SNRK: variants seen among roughly 807,000 people sequenced by gnomAD.
SNRK encodes SNF related kinase.
In SNRK, 3 loss-of-function variants were observed where a neutral mutation model predicts 48.2. That is an observed-to-expected ratio of 0.06 (90% CI 0.03 to 0.16). The LOEUF (loss-of-function observed/expected upper bound fraction) is 0.16. Among genes scored for constraint, SNRK ranks in the 10% least tolerant of loss-of-function variants. SNRK has a pLI of 1.00. For synonymous variants in SNRK, 376 were observed against 366.1 expected (o/e 1.03, Z -0.31); for missense variants, 627 against 976.0 (o/e 0.64, Z 4.76).
chr3:43,342,303 C>T (rs2091243734), intron 5 of SNRK, among the ~76,000 whole-genome samples: 1 of 152,186 alleles, frequency 6.6e-6, no homozygotes, highest in Non-Finnish European at 1.5e-5. Flanking sequence ...CTGCTCACAT[C>T]ATGAGAAGCT....
At chr3:43,318,357 A>T (rs17075559) in intron 3 of SNRK, among the ~76,000 whole-genome samples, 3,865 of 125,476 alleles carry the variant, frequency 0.031, 167 homozygotes, top group African/African-American at 0.12. Context: ...AATGTTAGAT[A>T]AAAAAAAATG....
intron 3 of SNRK, among the ~76,000 whole-genome samples, chr3:43,330,348 C>T (rs17075564): frequency 6.6e-6 from 1 of 152,046 alleles, no homozygotes; most frequent in Non-Finnish European, 1.5e-5. Flanking sequence ...GGAAAGGTGG[C>T]ATTTACTTTA....
intron 4 of SNRK, among the ~76,000 whole-genome samples, chr3:43,335,084 T>G (rs1434172100): frequency 6.6e-6 from 1 of 152,208 alleles, no homozygotes; most frequent in African/African-American, 2.4e-5. Context: ...TTTTGTTTTA[T>G]GTTTTATTAA....
At chr3:43,320,936 T>G (rs954695317) in intron 3 of SNRK, among the ~76,000 whole-genome samples, 2 of 151,866 alleles carry the variant, frequency 1.3e-5, no homozygotes, top group Middle Eastern at 3.2e-3. Flanking sequence ...CAAGGTTTTT[T>G]TTTTTTTTTT....
chr3:43,325,424 C>G (rs2091088656), intron 3 of SNRK, among the ~76,000 whole-genome samples: 1 of 152,058 alleles, frequency 6.6e-6, no homozygotes, highest in Non-Finnish European at 1.5e-5. Context: ...CTTGGCCTCC[C>G]AAAGTGCTGG....
chr3:43,348,024 G>A lies in SNRK; in HGVS notation c.1765G>A (p.Ala589Thr). Residue 589 changes from alanine (A) to threonine (T), a missense_variant, in exon 7 of 7, where the codon GCC becomes ACC. Ala to Thr is a moderately conservative substitution (Grantham distance 58, BLOSUM62 0). Coordinates refer to ENST00000296088, the MANE Select transcript of SNRK (RefSeq NM_017719.5). Reference sequence around the variant, plus strand: ...CGGGGGCCAGAGCAAGCCAAGCAATGCCAGTGGAGGGGTGGACAAGGCCAG... The same window carrying A: ...CGGGGGCCAGAGCAAGCCAAGCAATACCAGTGGAGGGGTGGACAAGGCCAG... ...DGGGQSKPSNASGGVDKASPS... is the reference protein window; with the variant it reads ...DGGGQSKPSNTSGGVDKASPS... 1 of 1,611,302 alleles carries A rather than the reference G, an allele frequency of 6.2e-7. No individual in the cohort carries two copies. Among genetic ancestry groups the A allele is most frequent in the Non-Finnish European group, 8.5e-7 (1 of 1,178,490 alleles).
chr3:43,296,331 T>C (rs1216769211), intron 1 of SNRK, among the ~76,000 whole-genome samples: 1 of 150,420 alleles, frequency 6.6e-6, no homozygotes, highest in Non-Finnish European at 1.5e-5. Flanking sequence ...AGATAATTTA[T>C]ATGTATGAGA....
intron 4 of SNRK, among the ~76,000 whole-genome samples, chr3:43,335,978 C>T (rs555006158): frequency 1.3e-5 from 2 of 151,960 alleles, no homozygotes; most frequent in Non-Finnish European, 2.9e-5. Context: ...AGGCTGGAGC[C>T]GAGTTTTTCT....
chr3:43,339,000 AG>A (rs1174932197), intron 4 of SNRK, among the ~76,000 whole-genome samples: 3 of 152,090 alleles, frequency 2.0e-5, no homozygotes, highest in Non-Finnish European at 4.4e-5. Context: ...TGTGTTTCCT[AG>A]GTCTTGCTGT....
chr3:43,289,084 T>C (rs2090789033), intron 1 of SNRK, among the ~76,000 whole-genome samples: 1 of 152,226 alleles, frequency 6.6e-6, no homozygotes, highest in Non-Finnish European at 1.5e-5. Flanking sequence ...TCTTAGAAGC[T>C]ACTGGGGAAC....
At chr3:43,321,875 G>T (rs1184832667) in intron 3 of SNRK, among the ~76,000 whole-genome samples, 1 of 152,208 alleles carries the variant, frequency 6.6e-6, no homozygotes, top group Non-Finnish European at 1.5e-5. Flanking sequence ...GTTACTTTCT[G>T]TGTGACTTAA....
At chr3:43,290,954 C>T (rs1414610577) in intron 1 of SNRK, among the ~76,000 whole-genome samples, 3 of 152,060 alleles carry the variant, frequency 2.0e-5, no homozygotes, top group Non-Finnish European at 4.4e-5. Context: ...AATTATATGA[C>T]CTCACATTTG....
intron 3 of SNRK, among the ~76,000 whole-genome samples, chr3:43,309,379 A>G (rs770911212): frequency 2.0e-5 from 3 of 152,216 alleles, no homozygotes; most frequent in Non-Finnish European, 4.4e-5. Flanking sequence ...GTTCTACTGT[A>G]GGTAAAATAT....
At chr3:43,342,101 G>A (rs1370186589) in intron 5 of SNRK, among the ~76,000 whole-genome samples, 1 of 152,182 alleles carries the variant, frequency 6.6e-6, no homozygotes, top group African/African-American at 2.4e-5. Flanking sequence ...TTGGCCTTAC[G>A]TTCTTAGCTT....
chr3:43,292,364 T>A (rs1271100658), intron 1 of SNRK, among the ~76,000 whole-genome samples: 1 of 152,244 alleles, frequency 6.6e-6, no homozygotes, highest in Admixed American at 6.5e-5. Context: ...AGGATTTTCC[T>A]CTTTCATTGA....
At chr3:43,335,408 CTTAA>C (rs1202321343) in intron 4 of SNRK, among the ~76,000 whole-genome samples, 1 of 152,066 alleles carries the variant, frequency 6.6e-6, no homozygotes, top group African/African-American at 2.4e-5. Flanking sequence ...TGATTTCTAA[CTTAA>C]TTGTGTTGTG....
At chr3:43,325,398 C>T (rs558736434) in intron 3 of SNRK, among the ~76,000 whole-genome samples, 1 of 152,330 alleles carries the variant, frequency 6.6e-6, no homozygotes, top group East Asian at 1.9e-4. Context: ...ATCTCCTGAC[C>T]TCGTGATCCA....
intron 1 of SNRK, among the ~76,000 whole-genome samples, chr3:43,291,569 C>G (rs1048335388): frequency 2.6e-5 from 4 of 152,134 alleles, no homozygotes; most frequent in Admixed American, 6.5e-5. Flanking sequence ...GATTTGTATT[C>G]TACTCACACC....
chr3:43,334,471 A>G (rs2091171382), intron 4 of SNRK, among the ~76,000 whole-genome samples: 1 of 152,180 alleles, frequency 6.6e-6, no homozygotes, highest in Non-Finnish European at 1.5e-5. Flanking sequence ...AAAAAAAAAA[A>G]AAATTATTGG....
Sources: allele counts gnomAD v4.1 joint callset (sites outside exome capture counted in the v4.1 genomes callset), GRCh38; gene constraint gnomAD v4.1.1; transcripts MANE v1.5; gene names NCBI Gene and HGNC (gene_info 2026-07-23, HGNC 2026-07-21).